PALM2AKAP2: variants seen among roughly 807,000 people sequenced by gnomAD.
The protein encoded by PALM2AKAP2 is PALM2-AKAP2 fusion protein.
In PALM2AKAP2, 37 loss-of-function variants were observed where a neutral mutation model predicts 71.5. The observed-to-expected ratio is 0.52, with a 90% confidence interval of 0.40 to 0.68. The LOEUF (loss-of-function observed/expected upper bound fraction) is 0.68, where lower values mean the gene tolerates loss of function less well. Among genes scored for constraint, PALM2AKAP2 ranks in the 30% least tolerant of loss-of-function variants. The probability of loss-of-function intolerance (pLI) is 0.00; values close to 1 mark genes in which losing one functional copy is unlikely to be tolerated. For missense variants in PALM2AKAP2, 1,224 were observed against 1,191.8 expected (o/e 1.03, Z -0.40); for synonymous variants, 468 against 478.8 (o/e 0.98, Z 0.29).
At chr9:110,168,539 C>T in exon 4 of PALM2AKAP2, 2 of 1,590,578 alleles carry the variant, frequency 1.3e-6, no homozygotes, top group Non-Finnish European at 1.7e-6. Flanking sequence ...CTTGGGAGAC[C>T]AAGAAACCAA....
At chr9:109,901,258 T>C (rs1192156791) in intron 3 of PALM2AKAP2, among the ~76,000 whole-genome samples, 1 of 152,224 alleles carries the variant, frequency 6.6e-6, no homozygotes, top group African/African-American at 2.4e-5. Flanking sequence ...TTACAGATAC[T>C]CTATGCAGAC....
At chr9:110,041,762 C>T (rs1316759920) in intron 7 of PALM2AKAP2, among the ~76,000 whole-genome samples, 2 of 152,196 alleles carry the variant, frequency 1.3e-5, no homozygotes, top group African/African-American at 4.8e-5. Flanking sequence ...GTGTTTGGTT[C>T]TCTGTCCTTT....
chr9:109,961,144 G>T (rs890022642), intron 6 of PALM2AKAP2, among the ~76,000 whole-genome samples: 2 of 152,196 alleles, frequency 1.3e-5, no homozygotes, highest in Non-Finnish European at 2.9e-5. Context: ...CACCTGCTCA[G>T]GCAAAAGCAA....
At chr9:109,643,348 G>A (rs760044014) in intron 1 of PALM2AKAP2, among the ~76,000 whole-genome samples, 14 of 152,204 alleles carry the variant, frequency 9.2e-5, no homozygotes, top group South Asian at 2.1e-4. Flanking sequence ...ACTGGGTAGC[G>A]CTAAAGGAGA....
At chr9:110,102,320 C>G (rs1835017694) in intron 1 of PALM2AKAP2, among the ~76,000 whole-genome samples, 1 of 152,088 alleles carries the variant, frequency 6.6e-6, no homozygotes, top group South Asian at 2.1e-4. Context: ...ATTTACTGAG[C>G]TGTTAGATGT....
intron 1 of PALM2AKAP2, among the ~76,000 whole-genome samples, chr9:109,642,493 G>T (rs774696317): frequency 4.8e-5 from 7 of 145,900 alleles, no homozygotes; most frequent in East Asian, 4.6e-4. Flanking sequence ...GGCAAAAACC[G>T]CAAATTACTG....
At chr9:109,867,326 T>C (rs1380375662) in intron 1 of PALM2AKAP2, 165 bp from the exon 2 acceptor site, 2 of 688,204 alleles carry the variant, frequency 2.9e-6, no homozygotes, top group African/African-American at 3.7e-5. Flanking sequence ...ATGCTGCTGC[T>C]TGCAACACAC....
intron 1 of PALM2AKAP2, among the ~76,000 whole-genome samples, chr9:109,742,149 C>A (rs1485541375): frequency 6.6e-6 from 1 of 152,072 alleles, no homozygotes; most frequent in Non-Finnish European, 1.5e-5. Context: ...CAGCAAATGA[C>A]ATAACTTTTT....
chr9:109,777,381 A>C (rs6477728), upstream of PALM2AKAP2, among the ~76,000 whole-genome samples: 91,856 of 152,042 alleles, frequency 0.6, 28,867 homozygotes, highest in African/African-American at 0.77. Context: ...TCTTTGGCCT[A>C]ATTTCCCTGT....
intron 1 of PALM2AKAP2, among the ~76,000 whole-genome samples, chr9:110,059,061 A>G (rs1044817703): frequency 1.2e-4 from 18 of 151,978 alleles, no homozygotes; most frequent in Admixed American, 1.0e-3. Flanking sequence ...CACCACGCCC[A>G]CGTAATTTTT....
Position 109,902,186 on chromosome 9 carries a change from C to T in PALM2AKAP2, c.257+21505C>T, listed in dbSNP as rs535691389. Among the ~76,000 whole-genome samples the T allele has an allele frequency of 5.9e-5, 9 of 152,332 alleles. No individual in the cohort carries two copies. The East Asian group carries it at 1.7e-3, about 29-fold the overall frequency. ...GGGACCTTGGGCAAGCTACTTCACC[C>T]ATCTGCAAAGTGGGAATCAATGATA... On this transcript the variant is annotated intron_variant, in intron 3 of 9. Coordinates refer to the PALM2AKAP2 transcript ENST00000302798.
At chr9:109,958,243 C>T (rs1263979748) in intron 6 of PALM2AKAP2, among the ~76,000 whole-genome samples, 2 of 151,914 alleles carry the variant, frequency 1.3e-5, no homozygotes, top group Non-Finnish European at 2.9e-5. Flanking sequence ...TATTACTGAA[C>T]GTTTACTTCT....
chr9:110,017,626 G>C (rs1036422295), intron 7 of PALM2AKAP2, among the ~76,000 whole-genome samples: 1 of 152,144 alleles, frequency 6.6e-6, no homozygotes, highest in African/African-American at 2.4e-5. Context: ...GCTAGTGGGA[G>C]AGAAGACAGC....
Position 110,048,733 on chromosome 9 carries a change from CTTCCCCCGGAGTCTCCTG to C in PALM2AKAP2, c.35_52del (p.Leu12_Gly18delinsArg), listed in dbSNP as rs772028413. 3,089 of 1,546,692 alleles carry C rather than the reference CTTCCCCCGGAGTCTCCTG, an allele frequency of 2.0e-3. 4 individuals are homozygous for C. The highest frequency in any genetic ancestry group is 2.5e-3 in the Non-Finnish European group (2,848 of 1,154,590). On this transcript the variant is annotated inframe_deletion, in exon 1 of 4. Transcript: ENST00000374525. ...GCCCCAGCCCGGGGCTGCCGCTCGC[CTTCCCCCGGAGTCTCCTG>C]GACCCCCGGAGTCTCCTGGACCCCC...
At chr9:109,785,266 A>G (rs572036919) in intron 1 of PALM2AKAP2, among the ~76,000 whole-genome samples, 10 of 152,264 alleles carry the variant, frequency 6.6e-5, no homozygotes, top group African/African-American at 2.2e-4. Context: ...CACTCTGTGA[A>G]GTAATAAAAA....
chr9:110,138,190 C>T (rs1215858749), exon 2 of PALM2AKAP2: 2 of 1,613,976 alleles, frequency 1.2e-6, no homozygotes, highest in Non-Finnish European at 1.7e-6. Context: ...ACAGGGCGCT[C>T]AGGGAAAGGG....
chr9:110,145,518 G>C (rs1233764991), intron 2 of PALM2AKAP2, among the ~76,000 whole-genome samples: 1 of 152,110 alleles, frequency 6.6e-6, no homozygotes, highest in South Asian at 2.1e-4. Flanking sequence ...TCATTATTCT[G>C]TTAACTAAAC....
chr9:110,007,462 C>T (rs1403449329), intron 6 of PALM2AKAP2, among the ~76,000 whole-genome samples: 1 of 152,118 alleles, frequency 6.6e-6, no homozygotes, highest in East Asian at 1.9e-4. Flanking sequence ...TATTTTTGTA[C>T]AACATGATTC....
chr9:109,702,066 G>T (rs1828069234), intron 1 of PALM2AKAP2, among the ~76,000 whole-genome samples: 1 of 152,182 alleles, frequency 6.6e-6, no homozygotes. Context: ...AGTTAGAATG[G>T]CAATCATTAA....
Sources: allele counts gnomAD v4.1 joint callset (sites outside exome capture counted in the v4.1 genomes callset), GRCh38; gene constraint gnomAD v4.1.1; transcripts MANE v1.5; gene names NCBI Gene and HGNC (gene_info 2026-07-23, HGNC 2026-07-21).